SYT10: variants seen among roughly 807,000 people sequenced by gnomAD.
SYT10 encodes the protein synaptotagmin 10.
SYT10 carries 31 observed loss-of-function variants against 51.1 expected under a neutral mutation model. That is an observed-to-expected ratio of 0.61 (90% CI 0.46 to 0.82). The LOEUF (loss-of-function observed/expected upper bound fraction) is 0.82. Among genes scored for constraint, SYT10 ranks in the 40% least tolerant of loss-of-function variants. The pLI, the probability that SYT10 is intolerant of heterozygous loss-of-function variation, is 0.00. For missense variants in SYT10, 603 were observed against 634.0 expected (o/e 0.95, Z 0.53); for synonymous variants, 233 against 225.9 (o/e 1.03, Z -0.28).
chr12:33,409,896 C>G (rs1178602629), intron 2 of SYT10, among the ~76,000 whole-genome samples: 1 of 152,100 alleles, frequency 6.6e-6, no homozygotes, highest in Non-Finnish European at 1.5e-5. Flanking sequence ...GGCTAGCTGT[C>G]TTCTAATGCC....
At position 33,439,412 on chromosome 12, in the gene SYT10, G is replaced by T; in HGVS notation, c.111C>A (p.Ile37=). The T allele has an allele frequency of 2.5e-6, 4 of 1,614,146 alleles. No individual in the cohort carries two copies. Among genetic ancestry groups the T allele is most frequent in the Non-Finnish European group, 3.4e-6 (4 of 1,180,024 alleles). The part of the protein sequence containing the change: ...GQVEWEKCSG[I]FPRDRGSQGG... ...CCTGGCTGCCCCTGTCCCGAGGGAAGATGCCCGAGCACTTCTCCCACTCCA... is the reference window on the plus strand; with the variant it reads ...CCTGGCTGCCCCTGTCCCGAGGGAATATGCCCGAGCACTTCTCCCACTCCA... The change falls in exon 1 of 7, where the codon ATC becomes ATA. Residue 37 remains isoleucine, a synonymous_variant. Coordinates refer to ENST00000228567, the MANE Select transcript of SYT10 (RefSeq NM_198992.4).
intron 2 of SYT10, among the ~76,000 whole-genome samples, chr12:33,416,757 C>T (rs1866457260): frequency 6.6e-6 from 1 of 152,112 alleles, no homozygotes; most frequent in Non-Finnish European, 1.5e-5. Context: ...TTTCAGGTTC[C>T]TTTAAGATAG....
chr12:33,395,780 A>G (rs1246275628), intron 3 of SYT10, among the ~76,000 whole-genome samples: 1 of 152,234 alleles, frequency 6.6e-6, no homozygotes, highest in Non-Finnish European at 1.5e-5. Flanking sequence ...GTATTATGTT[A>G]CAAATTTCTG....
chr12:33,398,576 A>C (rs1866277273), intron 3 of SYT10, among the ~76,000 whole-genome samples: 1 of 152,174 alleles, frequency 6.6e-6, no homozygotes, highest in Admixed American at 6.6e-5. Context: ...ACAGTAACTA[A>C]AAAGAATTAA....
intron 4 of SYT10, among the ~76,000 whole-genome samples, chr12:33,383,407 T>C (rs1866132574): frequency 6.6e-6 from 1 of 152,164 alleles, no homozygotes; most frequent in South Asian, 2.1e-4. Flanking sequence ...GCAATATTAA[T>C]TTATTTGAGC....
chr12:33,433,054 AT>A (rs1866609921), intron 1 of SYT10, among the ~76,000 whole-genome samples: 1 of 152,112 alleles, frequency 6.6e-6, no homozygotes. Flanking sequence ...CTTAGGATGT[AT>A]TTAACATTAT....
chr12:33,435,195 T>A (rs1866628297), intron 1 of SYT10, among the ~76,000 whole-genome samples: 2 of 152,298 alleles, frequency 1.3e-5, no homozygotes, highest in South Asian at 4.1e-4. Context: ...AAATCATTCA[T>A]AAGAATTAGA....
intron 2 of SYT10, among the ~76,000 whole-genome samples, chr12:33,414,565 G>A (rs1866437170): frequency 6.6e-6 from 1 of 152,186 alleles, no homozygotes; most frequent in Non-Finnish European, 1.5e-5. Flanking sequence ...TGAACAACCT[G>A]CTCCTGAATG....
chr12:33,376,950 A>C, intron 6 of SYT10, 49 bp from the exon 7 acceptor site: 5 of 1,586,822 alleles, frequency 3.2e-6, no homozygotes, highest in Non-Finnish European at 4.3e-6. Context: ...GAAATAGAAC[A>C]CAGTGGTTAG....
chr12:33,416,029 C>T (rs552353375), intron 2 of SYT10, among the ~76,000 whole-genome samples: 2 of 150,564 alleles, frequency 1.3e-5, no homozygotes, highest in East Asian at 3.9e-4. Flanking sequence ...CACCAGCTTG[C>T]CAGTGAAGTA....
intron 2 of SYT10, among the ~76,000 whole-genome samples, chr12:33,408,613 T>C (rs1012568930): frequency 7.9e-5 from 12 of 152,190 alleles, no homozygotes; most frequent in African/African-American, 2.7e-4. Flanking sequence ...AGACTAATCA[T>C]CAGTTCTTGG....
chr12:33,385,115 C>T, intron 4 of SYT10, 56 bp downstream of exon 4: 2 of 1,588,706 alleles, frequency 1.3e-6, no homozygotes, highest in Middle Eastern at 1.7e-4. Flanking sequence ...TTTTTAGATA[C>T]ATGAAATATT....
chr12:33,436,226 T>C (rs140938890), intron 1 of SYT10, among the ~76,000 whole-genome samples: 188 of 152,316 alleles, frequency 1.2e-3, no homozygotes, highest in African/African-American at 4.3e-3. Context: ...TCAGTCACAG[T>C]ATGCCTGAAA....
intron 2 of SYT10, among the ~76,000 whole-genome samples, chr12:33,410,984 C>T (rs764930225): frequency 6.6e-6 from 1 of 152,092 alleles, no homozygotes; most frequent in Non-Finnish European, 1.5e-5. Context: ...TTCAACTGAG[C>T]CTCATGTAAC....
intron 3 of SYT10, among the ~76,000 whole-genome samples, chr12:33,397,061 G>C (rs2892702): frequency 0.51 from 77,588 of 152,066 alleles, 22,059 homozygotes; most frequent in East Asian, 0.89. Flanking sequence ...ATCAGCCTTT[G>C]AAGGACTAAT....
chr12:33,421,544 G>A (rs1234331052), intron 2 of SYT10, among the ~76,000 whole-genome samples: 2 of 151,980 alleles, frequency 1.3e-5, no homozygotes, highest in Admixed American at 6.6e-5. Context: ...TCATCATCTC[G>A]TGTGGCTTTT....
intron 3 of SYT10, among the ~76,000 whole-genome samples, chr12:33,402,802 G>T (rs1224826968): frequency 2.0e-5 from 3 of 152,082 alleles, no homozygotes; most frequent in Non-Finnish European, 2.9e-5. Flanking sequence ...ATGAAAATTT[G>T]TAGGAATGAG....
At chr12:33,405,785 A>G (rs1905431) in intron 3 of SYT10, 92,349 of 150,942 alleles carry the variant, frequency 0.61, 29,431 homozygotes, top group East Asian at 0.89. Flanking sequence ...AAAAACTAAT[A>G]AAGAAAACAA....
intron 2 of SYT10, among the ~76,000 whole-genome samples, chr12:33,417,242 G>C (rs1866462229): frequency 6.6e-6 from 1 of 152,078 alleles, no homozygotes; most frequent in Non-Finnish European, 1.5e-5. Flanking sequence ...TCTGCCTCAT[G>C]AATGGATTAA....
Sources: gnomAD v4.1 joint callset for allele counts (sites outside exome capture counted in the v4.1 genomes callset) on GRCh38, gnomAD v4.1.1 for gene constraint, MANE v1.5 for transcripts, NCBI Gene and HGNC (gene_info 2026-07-23, HGNC 2026-07-21) for gene names.